The following MAP2K2 variants were observed in gnomAD, a reference collection of about 807,000 sequenced individuals.
MAP2K2 encodes dual specificity mitogen-activated protein kinase kinase 2.
MAP2K2 carries 24 observed loss-of-function variants against 43.7 expected under a neutral mutation model. The observed-to-expected ratio is 0.55, with a 90% CI of 0.40 to 0.77. The LOEUF is 0.77. Among genes scored for constraint, MAP2K2 ranks in the 30% least tolerant of loss-of-function variants. The probability of loss-of-function intolerance (pLI) is 0.00; values close to 1 mark genes in which losing one functional copy is unlikely to be tolerated. For synonymous variants in MAP2K2, 244 were observed against 239.7 expected (o/e 1.02, Z -0.17); for missense variants, 470 against 566.8 (o/e 0.83, Z 1.73).
In MAP2K2 at chr19:4,097,353, GAGAGAGATGGA is replaced by G; in HGVS notation, c.920-21_920-11del. ...CTATCCATCCCGTGACCTGCACAGGGAGAGAGATGGAGGTGAGATGGGCCGATGGCCACCTC... is the reference window on the plus strand; with the variant it reads ...CTATCCATCCCGTGACCTGCACAGGGGGTGAGATGGGCCGATGGCCACCTC... On this transcript the variant is annotated splice_polypyrimidine_tract_variant and intron_variant, in intron 7 of 10. Coordinates refer to ENST00000262948, the MANE Select transcript of MAP2K2 (RefSeq NM_030662.4). The G allele has an allele frequency of 6.2e-7, 1 of 1,609,396 alleles. No individual in the cohort carries two copies. The highest frequency in any genetic ancestry group is 8.5e-7 in the Non-Finnish European group (1 of 1,176,634).
At position 4,099,376 on chromosome 19, in the gene MAP2K2, C is replaced by T. The variant is rs753640401; in HGVS notation, c.744G>A (p.Ser248=). The T allele has an allele frequency of 4.3e-5, 70 of 1,611,400 alleles. No individual in the cohort carries two copies. Among genetic ancestry groups the T allele is most frequent in the Non-Finnish European group, 5.7e-5 (67 of 1,179,186 alleles). ...GGGACAGGCCCATGCTCCAGATGTC[C>T]GACTGCACCGAGTAATGTGTGCCCT... The part of the protein sequence containing the change: ...RLQGTHYSVQ[S]DIWSMGLSLV... Residue 248 remains serine (S), a synonymous_variant, in exon 7 of 11, where the codon TCG becomes TCA. Transcript: ENST00000262948.
intron 2 of MAP2K2, among the ~76,000 whole-genome samples, chr19:4,112,843 T>G (rs578048162): frequency 1.2e-3 from 176 of 152,240 alleles, no homozygotes; most frequent in Non-Finnish European, 1.7e-3. Flanking sequence ...AACTGAGAGG[T>G]GCTGGTGCTC....
intron 3 of MAP2K2, among the ~76,000 whole-genome samples, chr19:4,103,992 G>A (rs542398009): frequency 1.5e-4 from 23 of 152,170 alleles, no homozygotes; most frequent in Non-Finnish European, 2.9e-4. Flanking sequence ...GGCTGGGAGC[G>A]GTGACTCACG....
intron 1 of MAP2K2, among the ~76,000 whole-genome samples, chr19:4,117,850 G>C (rs1009662241): frequency 2.6e-5 from 4 of 152,198 alleles, no homozygotes; most frequent in African/African-American, 9.6e-5. Flanking sequence ...ACGCTGCCTT[G>C]ATCCTGTCTC....
chr19:4,123,804 AG>A lies in MAP2K2; in HGVS notation c.71del (p.Pro24LeufsTer79), dbSNP rs730880525. The A allele has an allele frequency of 1.9e-6, 3 of 1,565,124 alleles. No homozygotes were observed. The highest frequency in any genetic ancestry group is 1.2e-5 in the South Asian group (1 of 84,972). On this transcript the variant is annotated frameshift_variant, in exon 1 of 11. Coordinates refer to ENST00000262948, the MANE Select transcript of MAP2K2 (RefSeq NM_030662.4). LOFTEE classifies it high-confidence loss of function. Reference sequence around the variant, plus strand: ...CTCACTCGGAGGCGCCCTCGCTGGTAGGGGATGGGCCCTCGGCGATGGTAGG... The same window carrying A: ...CTCACTCGGAGGCGCCCTCGCTGGTAGGGATGGGCCCTCGGCGATGGTAGG... ...INPTIAEGPS[P>X]TSEGASEANL...
chr19:4,095,522 C>T (rs2040906304), intron 8 of MAP2K2, 73 bp from the exon 9 acceptor site: 5 of 1,279,598 alleles, frequency 3.9e-6, no homozygotes, highest in South Asian at 1.3e-5. Flanking sequence ...CCTCTCTACC[C>T]CTCACTGTCC....
chr19:4,122,885 G>A (rs1236233795), intron 1 of MAP2K2, among the ~76,000 whole-genome samples: 3 of 149,548 alleles, frequency 2.0e-5, no homozygotes, highest in African/African-American at 7.4e-5. Flanking sequence ...CCCTTACCCC[G>A]TCTTTTCCTA....
chr19:4,099,833 C>T (rs983470568), intron 6 of MAP2K2: 16 of 266,344 alleles, frequency 6.0e-5, no homozygotes, highest in African/African-American at 3.1e-4. Flanking sequence ...AACTAAGGGC[C>T]GGGTGCAGTG....
chr19:4,103,071 G>T, intron 3 of MAP2K2: 1 of 1,020,842 alleles, frequency 9.8e-7, no homozygotes, highest in Non-Finnish European at 1.2e-6. Context: ...GGGCAGAAAG[G>T]CCAGGCCGAG....
At chr19:4,110,701 CG>C in intron 2 of MAP2K2, 46 bp from the exon 3 acceptor site, 2 of 1,593,336 alleles carry the variant, frequency 1.3e-6, no homozygotes, top group Non-Finnish European at 1.7e-6. Flanking sequence ...TGCCCGAAAA[CG>C]GGATGAAGGC....
chr19:4,111,905 A>ATCG (rs371841296), intron 2 of MAP2K2, among the ~76,000 whole-genome samples: 28 of 152,324 alleles, frequency 1.8e-4, no homozygotes, highest in African/African-American at 6.5e-4. Context: ...GTGAGCCGAG[A>ATCG]TCGCACCATT....
chr19:4,094,708 C>T (rs2040890906), intron 9 of MAP2K2: 5 of 588,300 alleles, frequency 8.5e-6, no homozygotes, highest in Admixed American at 5.7e-5. Context: ...AGGGGCAGGA[C>T]ACCCCCCAGC....
intron 3 of MAP2K2, among the ~76,000 whole-genome samples, chr19:4,110,028 G>A (rs1269306507): frequency 6.6e-6 from 1 of 152,146 alleles, no homozygotes; most frequent in Non-Finnish European, 1.5e-5. Context: ...CATTGGCTGG[G>A]CGCGGTGGCT....
chr19:4,098,720 C>A (rs1444970813), intron 7 of MAP2K2, among the ~76,000 whole-genome samples: 2 of 152,208 alleles, frequency 1.3e-5, no homozygotes, highest in Non-Finnish European at 2.9e-5. Flanking sequence ...CGGGCTGTGT[C>A]CCCTCCTGTG....
intron 2 of MAP2K2, among the ~76,000 whole-genome samples, 199 bp downstream of exon 2, chr19:4,117,220 G>A (rs1568263470): frequency 6.6e-6 from 1 of 152,154 alleles, no homozygotes; most frequent in African/African-American, 2.4e-5. Flanking sequence ...ACAGCTGTGT[G>A]TGGCTGGTGT....
intron 1 of MAP2K2, among the ~76,000 whole-genome samples, chr19:4,123,493 C>T (rs2041326413): frequency 6.6e-6 from 1 of 151,796 alleles, no homozygotes; most frequent in African/African-American, 2.4e-5. Flanking sequence ...CCTCCCCTCG[C>T]CCAATCTCAC....
rs564067943 is a variant in MAP2K2 at position 4,095,413 on chromosome 19, C to T, written c.1021G>A (p.Asp341Asn). ...PKLPNGVFTP[D>N]FQEFVNKCLI... ...CATTTATTGACAAACTCCTGGAAGT[C>T]GGGGGTGAACACACCGTTGGGCAGC... The change falls in exon 9 of 11, where the codon GAC (aspartate) becomes AAC (asparagine). Residue 341 changes from aspartate (D) to asparagine (N), a missense_variant. Asp to Asn is a conservative substitution (Grantham distance 23). Coordinates refer to ENST00000262948, the MANE Select transcript of MAP2K2 (RefSeq NM_030662.4). 15 of 1,551,132 alleles carry T rather than the reference C, an allele frequency of 9.7e-6. No homozygotes were observed. Among genetic ancestry groups the T allele is most frequent in the South Asian group, 3.6e-5 (3 of 84,044 alleles).
chr19:4,096,090 T>C (rs1171311585), intron 8 of MAP2K2, among the ~76,000 whole-genome samples: 2 of 152,174 alleles, frequency 1.3e-5, no homozygotes, highest in Non-Finnish European at 2.9e-5. Context: ...GGGTCCACAG[T>C]TTTAAGCCCA....
chr19:4,095,682 G>C (rs1266447714), intron 8 of MAP2K2, among the ~76,000 whole-genome samples: 1 of 151,918 alleles, frequency 6.6e-6, no homozygotes, highest in Non-Finnish European at 1.5e-5. Context: ...TTATCAACAG[G>C]ACAACCTCTC....
Sources: gnomAD v4.1 joint callset for allele counts (sites outside exome capture counted in the v4.1 genomes callset) on GRCh38, gnomAD v4.1.1 for gene constraint, MANE v1.5 for transcripts, NCBI Gene and HGNC (gene_info 2026-07-23, HGNC 2026-07-21) for gene names.